Variants in MYT1L observed in about 807,000 individuals in gnomAD.
MYT1L encodes the protein myelin transcription factor 1-like protein.
A neutral mutation model predicts 126.7 loss-of-function variants in MYT1L; 12 were observed. The observed-to-expected ratio is 0.09, with a 90% confidence interval of 0.06 to 0.15. The LOEUF (loss-of-function observed/expected upper bound fraction) is 0.15. MYT1L is among the 10% of genes least tolerant of loss of function. The probability of loss-of-function intolerance (pLI) is 1.00; values close to 1 mark genes in which losing one functional copy is unlikely to be tolerated. For synonymous variants in MYT1L, 541 were observed against 604.2 expected, an observed-to-expected ratio of 0.90 and a Z score of 1.53; for missense variants, 979 against 1,585.2, an observed-to-expected ratio of 0.62 and a Z score of 6.49.
At chr2:2,116,259 G>A (rs1265961267) in intron 3 of MYT1L, among the ~76,000 whole-genome samples, 1 of 152,228 alleles carries the variant, frequency 6.6e-6, no homozygotes, top group Non-Finnish European at 1.5e-5. Context: ...CTGTGACAAA[G>A]AAGCCTCCTG....
intron 18 of MYT1L, among the ~76,000 whole-genome samples, chr2:1,863,415 C>T (rs531803983): frequency 1.5e-4 from 23 of 152,282 alleles, no homozygotes; most frequent in African/African-American, 5.1e-4. Flanking sequence ...AAGAGCAAAA[C>T]AACAAGAAAA....
intron 3 of MYT1L, among the ~76,000 whole-genome samples, chr2:2,070,463 GGACATGGAA>G (rs2074468899): frequency 6.6e-6 from 1 of 152,188 alleles, no homozygotes. Context: ...AGCAATGACA[GGACATGGAA>G]GAACTTCTAA....
intron 1 of MYT1L, among the ~76,000 whole-genome samples, chr2:2,318,139 T>C (rs796708452): frequency 8.5e-5 from 13 of 152,234 alleles, no homozygotes; most frequent in African/African-American, 2.9e-4. Flanking sequence ...ATGTTGGATT[T>C]TGAAAATGTA....
chr2:2,227,068 G>A (rs902881212), intron 2 of MYT1L, among the ~76,000 whole-genome samples: 4 of 151,692 alleles, frequency 2.6e-5, no homozygotes. Context: ...TGAAATGTGT[G>A]CTTCTGATTT....
intron 1 of MYT1L, among the ~76,000 whole-genome samples, chr2:2,307,063 GA>G (rs2095868504): frequency 6.6e-6 from 1 of 152,172 alleles, no homozygotes; most frequent in Non-Finnish European, 1.5e-5. Flanking sequence ...AGACATTGCA[GA>G]AGTAACAGTG....
intron 8 of MYT1L, among the ~76,000 whole-genome samples, chr2:1,956,606 ATCT>A (rs2058484138): frequency 6.6e-6 from 1 of 150,452 alleles, no homozygotes; most frequent in Admixed American, 6.6e-5. Context: ...CTATCTATCT[ATCT>A]ATCTATCTAT....
At chr2:1,835,409 T>C (rs2148333896) in intron 21 of MYT1L, among the ~76,000 whole-genome samples, 1 of 152,306 alleles carries the variant, frequency 6.6e-6, no homozygotes, top group Admixed American at 6.5e-5. Flanking sequence ...GTTGCATGGA[T>C]ACTCAAAGCA....
In MYT1L at chr2:2,003,035, T is replaced by A. The variant is rs539104000; in HGVS notation, c.-157-5688A>T. On this transcript the variant is annotated intron_variant, in intron 4 of 24. Transcript: ENST00000647738. The stretch of plus-strand genomic sequence containing the variant: ...TCTCCAGTGTGTCCTTGTAGCAGCA[T>A]GAGAATGGACTAATATACCTTGGGA... Among the ~76,000 whole-genome samples, 10 of 152,292 alleles carry A rather than the reference T, an allele frequency of 6.6e-5. No individual in the cohort carries two copies. In the East Asian group the frequency reaches 1.9e-3, roughly 29 times the overall value.
At chr2:1,955,521 C>G (rs377145104) in intron 8 of MYT1L, among the ~76,000 whole-genome samples, 2 of 152,152 alleles carry the variant, frequency 1.3e-5, no homozygotes, top group African/African-American at 4.8e-5. Context: ...ATTAAATATG[C>G]ATTTTCTAGC....
chr2:2,132,099 G>C (rs2082443052), intron 3 of MYT1L, among the ~76,000 whole-genome samples: 1 of 151,508 alleles, frequency 6.6e-6, no homozygotes, highest in Non-Finnish European at 1.5e-5. Context: ...GTAGAGATGG[G>C]GGTTTCACCA....
intron 14 of MYT1L, among the ~76,000 whole-genome samples, chr2:1,896,202 G>T (rs984843721): frequency 3.9e-5 from 6 of 152,160 alleles, no homozygotes; most frequent in Non-Finnish European, 7.3e-5. Context: ...TGCTGGAGAG[G>T]CTGTGGAGAA....
chr2:1,802,324 C>T (rs1028923472), intron 22 of MYT1L, among the ~76,000 whole-genome samples: 3 of 152,140 alleles, frequency 2.0e-5, no homozygotes, highest in Admixed American at 6.6e-5. Flanking sequence ...CGACAAATGC[C>T]GTCCAGCAAA....
intron 1 of MYT1L, among the ~76,000 whole-genome samples, chr2:2,292,110 T>C (rs1292552233): frequency 6.6e-6 from 1 of 152,102 alleles, no homozygotes; most frequent in African/African-American, 2.4e-5. Context: ...GAAGGAATCT[T>C]CCCAGGCAAA....
chr2:1,963,603 T>A (rs1196416184), intron 8 of MYT1L, among the ~76,000 whole-genome samples: 1 of 152,260 alleles, frequency 6.6e-6, no homozygotes, highest in African/African-American at 2.4e-5. Flanking sequence ...TCATTAATGA[T>A]CTTAGCTAGA....
chr2:1,991,717 T>C (rs1381236618), intron 5 of MYT1L, among the ~76,000 whole-genome samples: 1 of 152,150 alleles, frequency 6.6e-6, no homozygotes, highest in African/African-American at 2.4e-5. Context: ...ACGGCTAACC[T>C]GCCCTCTCTC....
At chr2:2,056,308 G>A (rs1273469862) in intron 3 of MYT1L, among the ~76,000 whole-genome samples, 1 of 152,176 alleles carries the variant, frequency 6.6e-6, no homozygotes, top group Non-Finnish European at 1.5e-5. Context: ...ACAAACATGA[G>A]AACCCCTCTT....
chr2:2,229,435 TC>T (rs1416546130), intron 2 of MYT1L, among the ~76,000 whole-genome samples: 2 of 151,626 alleles, frequency 1.3e-5, no homozygotes, highest in African/African-American at 4.9e-5. Flanking sequence ...TCATAGGATT[TC>T]TTTCTTTCTT....
intron 2 of MYT1L, among the ~76,000 whole-genome samples, chr2:2,222,508 T>A (rs1245170369): frequency 3.3e-5 from 5 of 151,180 alleles, no homozygotes; most frequent in South Asian, 2.1e-4. Context: ...AAAAAAAAAA[T>A]TTTTTTTTGG....
At position 1,822,310 on chromosome 2, in the gene MYT1L, T is replaced by C. The variant is rs575739034; in HGVS notation, c.3081-13143A>G. ...ATTTTAGTAGTGTTTTAAGATTTAG[T>C]GGAGATATATGTGATTTCAGTCTGC... On this transcript the variant is annotated intron_variant, in intron 21 of 24. Coordinates refer to ENST00000647738, the MANE Select transcript of MYT1L (RefSeq NM_001303052.2). Among the ~76,000 whole-genome samples, 13 of 152,282 alleles carry C rather than the reference T, an allele frequency of 8.5e-5. 1 individual carries two copies. In the East Asian group the frequency reaches 2.1e-3, roughly 25 times the overall value.
Sources: allele counts gnomAD v4.1 joint callset (sites outside exome capture counted in the v4.1 genomes callset), GRCh38; gene constraint gnomAD v4.1.1; transcripts MANE v1.5; gene names NCBI Gene and HGNC (gene_info 2026-07-23, HGNC 2026-07-21).